Variants in SRBD1 observed in about 807,000 individuals in gnomAD.
SRBD1 encodes the protein S1 RNA binding domain 1, also known as S1 RNA-binding domain-containing protein 1.
SRBD1 carries 88 observed loss-of-function variants against 115.3 expected under a neutral mutation model. The ratio of observed to expected loss-of-function variants is 0.76; its 90% CI spans 0.64 to 0.91. SRBD1 has a LOEUF of 0.91. Ranked by LOEUF, SRBD1 falls within the 40% of genes least tolerant of loss-of-function variation. SRBD1 has a pLI of 0.00. For missense variants in SRBD1, 1,385 were observed against 1,177.4 expected (o/e 1.18, Z -2.58); for synonymous variants, 509 against 407.7 (o/e 1.25, Z -2.99).
At chr2:45,438,251 A>C (rs1039046374) in intron 16 of SRBD1, among the ~76,000 whole-genome samples, 3 of 152,224 alleles carry the variant, frequency 2.0e-5, no homozygotes, top group African/African-American at 7.2e-5. Context: ...TTATCTGATT[A>C]CCAGAAGAAA....
At chr2:45,594,878 T>A (rs1673845004) in intron 4 of SRBD1, among the ~76,000 whole-genome samples, 1 of 152,230 alleles carries the variant, frequency 6.6e-6, no homozygotes. Flanking sequence ...ATAGGCATGA[T>A]AATAAAGTTC....
intron 5 of SRBD1, among the ~76,000 whole-genome samples, chr2:45,584,697 C>T (rs1383455906): frequency 6.6e-6 from 1 of 152,152 alleles, no homozygotes; most frequent in African/African-American, 2.4e-5. Context: ...TTTTAATAAA[C>T]CCTATCGAAT....
intron 14 of SRBD1, among the ~76,000 whole-genome samples, chr2:45,509,234 T>A (rs1670888262): frequency 6.6e-6 from 1 of 152,170 alleles, no homozygotes; most frequent in Non-Finnish European, 1.5e-5. Flanking sequence ...TAAGTCACTA[T>A]TATGAGCAAA....
chr2:45,521,861 A>AG (rs1209855485), intron 14 of SRBD1, among the ~76,000 whole-genome samples: 1 of 151,998 alleles, frequency 6.6e-6, no homozygotes, highest in East Asian at 1.9e-4. Flanking sequence ...CCAGCTACTC[A>AG]GGAGGCTCAG....
chr2:45,536,657 T>C (rs1671773321), intron 14 of SRBD1, among the ~76,000 whole-genome samples: 1 of 152,188 alleles, frequency 6.6e-6, no homozygotes, highest in Non-Finnish European at 1.5e-5. Flanking sequence ...TTCCAAGGAA[T>C]ATGGTAAGGA....
chr2:45,549,261 A>G, intron 12 of SRBD1, among the ~76,000 whole-genome samples: 1 of 151,628 alleles, frequency 6.6e-6, no homozygotes, highest in Non-Finnish European at 1.5e-5. Context: ...AGAGAAGCAG[A>G]TTCCAGAAAC....
chr2:45,511,122 T>C (rs1670954032), intron 14 of SRBD1, among the ~76,000 whole-genome samples: 1 of 152,218 alleles, frequency 6.6e-6, no homozygotes, highest in Non-Finnish European at 1.5e-5. Flanking sequence ...CCGACTGAAT[T>C]GCAGGCTGTA....
intron 15 of SRBD1, among the ~76,000 whole-genome samples, chr2:45,481,505 G>T (rs1252697022): frequency 6.6e-6 from 1 of 152,054 alleles, no homozygotes; most frequent in East Asian, 1.9e-4. Flanking sequence ...AAAGGAGGAA[G>T]TAATGAAAGA....
intron 13 of SRBD1, 55 bp from the exon 14 acceptor site, chr2:45,546,894 G>T (rs373658491): frequency 2.4e-5 from 36 of 1,528,626 alleles, no homozygotes; most frequent in East Asian, 1.8e-4. Context: ...TTTGAAATCA[G>T]CTGGAGAAAA....
chr2:45,480,008 G>C (rs1169512032), intron 15 of SRBD1, among the ~76,000 whole-genome samples: 1 of 152,076 alleles, frequency 6.6e-6, no homozygotes, highest in East Asian at 1.9e-4. Flanking sequence ...AAACAACAAA[G>C]CCTGCACGAT....
At chr2:45,585,913 C>A in intron 4 of SRBD1, 139 bp from the exon 5 acceptor site, 3 of 649,702 alleles carry the variant, frequency 4.6e-6, no homozygotes, top group South Asian at 2.6e-5. Context: ...AAAAAGAAAG[C>A]CATATAAAAT....
chr2:45,402,052 C>T lies in SRBD1; in HGVS notation c.2514-8923G>A, dbSNP rs1667305851. The stretch of plus-strand genomic sequence containing the variant: ...GATATGCCCACTCATTAAGGGTCTT[C>T]AGTAGAGGCCATTCTTCACTATCTG... On this transcript the variant is annotated intron_variant, in intron 19 of 20. Coordinates refer to ENST00000263736, the MANE Select transcript of SRBD1 (RefSeq NM_018079.5). Among the ~76,000 whole-genome samples the T allele has an allele frequency of 2.0e-5, 3 of 152,114 alleles. No individual in the cohort carries two copies. The South Asian group carries it at 6.2e-4, about 32-fold the overall frequency.
intron 15 of SRBD1, 122 bp downstream of exon 15, chr2:45,488,118 C>A: frequency 1.3e-6 from 1 of 749,208 alleles, no homozygotes; most frequent in South Asian, 1.6e-5. Context: ...TCTAATATGC[C>A]AATTCTTATG....
intron 14 of SRBD1, among the ~76,000 whole-genome samples, chr2:45,540,153 C>A (rs1671888749): frequency 6.6e-6 from 1 of 151,882 alleles, no homozygotes; most frequent in African/African-American, 2.4e-5. Context: ...CCAGCCTGAC[C>A]AACACAGTGA....
chr2:45,457,835 G>GA (rs955622543), intron 16 of SRBD1, among the ~76,000 whole-genome samples: 26 of 151,814 alleles, frequency 1.7e-4, no homozygotes, highest in African/African-American at 3.4e-4. Flanking sequence ...TATGCTTTTA[G>GA]AAAAAAATGT....
At chr2:45,431,451 A>G (rs1668333603) in intron 16 of SRBD1, among the ~76,000 whole-genome samples, 1 of 152,234 alleles carries the variant, frequency 6.6e-6, no homozygotes, top group Non-Finnish European at 1.5e-5. Context: ...ATGCTGCCAT[A>G]AAAAAGAATG....
chr2:45,450,105 A>T (rs2103739169), intron 16 of SRBD1, among the ~76,000 whole-genome samples: 1 of 152,296 alleles, frequency 6.6e-6, no homozygotes, highest in Admixed American at 6.5e-5. Context: ...GAAGCACAGG[A>T]GGCCTACGAT....
At position 45,477,855 on chromosome 2, in the gene SRBD1, C is replaced by G. The variant is rs114124317; in HGVS notation, c.1967-780G>C. Reference sequence around the variant, plus strand: ...GCTTGTCTCTTAACACACCATAGTTCTAATTACATCCCTTTCTTGACCATT... The same window carrying G: ...GCTTGTCTCTTAACACACCATAGTTGTAATTACATCCCTTTCTTGACCATT... On this transcript the variant is annotated intron_variant, in intron 15 of 20. Coordinates refer to ENST00000263736, the MANE Select transcript of SRBD1 (RefSeq NM_018079.5). 6.9e-3 allele frequency among the ~76,000 whole-genome samples: 1,046 copies of G among 152,220 alleles called. 13 individuals are homozygous for G. Among genetic ancestry groups the G allele is most frequent in the African/African-American group, 0.024 (996 of 41,534 alleles).
At chr2:45,570,258 G>T (rs1672965954) in intron 9 of SRBD1, among the ~76,000 whole-genome samples, 3 of 152,172 alleles carry the variant, frequency 2.0e-5, no homozygotes. Context: ...TCTGGCAAAA[G>T]GACCAAGGGC....
Sources: gnomAD v4.1 joint callset for allele counts (sites outside exome capture counted in the v4.1 genomes callset) on GRCh38, gnomAD v4.1.1 for gene constraint, MANE v1.5 for transcripts, NCBI Gene and HGNC (gene_info 2026-07-23, HGNC 2026-07-21) for gene names.